Variants in PDE7B observed in about 807,000 individuals in gnomAD.
PDE7B encodes the protein 3',5'-cyclic-AMP phosphodiesterase 7B.
Under a neutral mutation model 56.2 loss-of-function variants are expected in PDE7B, and 29 were observed. The observed-to-expected ratio is 0.52, with a 90% CI of 0.38 to 0.70. The LOEUF (loss-of-function observed/expected upper bound fraction) is 0.70, where lower values mean the gene tolerates loss of function less well. Ranked by LOEUF, PDE7B falls within the 30% of genes least tolerant of loss-of-function variation. PDE7B has a pLI of 0.00. For missense variants in PDE7B, 490 were observed against 565.0 expected (o/e 0.87, Z 1.35); for synonymous variants, 197 against 196.9 (o/e 1.00, Z 0.00).
At chr6:136,091,682 T>G (rs1374284674) in intron 2 of PDE7B, among the ~76,000 whole-genome samples, 1 of 152,232 alleles carries the variant, frequency 6.6e-6, no homozygotes, top group Admixed American at 6.5e-5. Flanking sequence ...GCAGGTAGTA[T>G]TGTCTTAATT....
At chr6:136,000,727 A>T (rs1775651420) in intron 2 of PDE7B, among the ~76,000 whole-genome samples, 1 of 152,212 alleles carries the variant, frequency 6.6e-6, no homozygotes, top group Non-Finnish European at 1.5e-5. Context: ...TGCCTTGGCT[A>T]AGGAGGCCTG....
intron 2 of PDE7B, among the ~76,000 whole-genome samples, chr6:136,041,871 A>C (rs1349678546): frequency 6.6e-6 from 1 of 152,222 alleles, no homozygotes; most frequent in African/African-American, 2.4e-5. Context: ...TCACACACTG[A>C]AACTGTATCA....
intron 3 of PDE7B, among the ~76,000 whole-genome samples, chr6:136,135,559 T>A (rs1778198049): frequency 6.6e-6 from 1 of 152,090 alleles, no homozygotes; most frequent in Admixed American, 6.6e-5. Context: ...TATATTTGGT[T>A]GTCATCAGTT....
At chr6:135,872,856 C>T (rs1281613822) in intron 1 of PDE7B, among the ~76,000 whole-genome samples, 2 of 152,226 alleles carry the variant, frequency 1.3e-5, no homozygotes, top group East Asian at 3.9e-4. Context: ...TTATTTAATA[C>T]TACTCATTTA....
chr6:135,873,048 C>T (rs769166344), intron 1 of PDE7B, among the ~76,000 whole-genome samples: 21 of 151,932 alleles, frequency 1.4e-4, no homozygotes, highest in African/African-American at 2.2e-4. Context: ...TTCTATGTAA[C>T]GAATAATTTT....
At chr6:136,125,276 G>C (rs1339176890) in intron 3 of PDE7B, among the ~76,000 whole-genome samples, 3 of 152,078 alleles carry the variant, frequency 2.0e-5, no homozygotes, top group Non-Finnish European at 4.4e-5. Flanking sequence ...TTTTATATAA[G>C]TTATATGTAA....
chr6:136,093,418 G>A (rs1165661739), intron 2 of PDE7B, among the ~76,000 whole-genome samples: 1 of 152,186 alleles, frequency 6.6e-6, no homozygotes, highest in Non-Finnish European at 1.5e-5. Flanking sequence ...ATCTAGCACA[G>A]TCCAGCTTAA....
At chr6:135,889,798 C>T (rs1452115064) in intron 1 of PDE7B, among the ~76,000 whole-genome samples, 4 of 133,366 alleles carry the variant, frequency 3.0e-5, no homozygotes, top group Non-Finnish European at 4.7e-5. Context: ...CTCTGTCACC[C>T]GGGAGTGCAA....
chr6:136,090,222 G>C (rs1777365660), intron 2 of PDE7B, among the ~76,000 whole-genome samples: 1 of 152,174 alleles, frequency 6.6e-6, no homozygotes, highest in Admixed American at 6.5e-5. Context: ...GAGAAAGGCT[G>C]AACTGTGGAG....
intron 2 of PDE7B, among the ~76,000 whole-genome samples, chr6:135,949,801 A>G (rs918798723): frequency 6.6e-6 from 1 of 152,126 alleles, no homozygotes; most frequent in Non-Finnish European, 1.5e-5. Flanking sequence ...TTCAGGACAC[A>G]TAGGAATAAC....
intron 1 of PDE7B, among the ~76,000 whole-genome samples, chr6:135,927,969 G>A (rs923580826): frequency 2.0e-5 from 3 of 151,994 alleles, no homozygotes; most frequent in Non-Finnish European, 4.4e-5. Context: ...TAAAAATTGG[G>A]CATCAGTCAT....
chr6:136,133,354 G>A (rs1778151945), intron 3 of PDE7B, among the ~76,000 whole-genome samples: 1 of 151,200 alleles, frequency 6.6e-6, no homozygotes, highest in Admixed American at 6.6e-5. Context: ...AATGAGTAAA[G>A]TTAGTACTAA....
intron 1 of PDE7B, among the ~76,000 whole-genome samples, chr6:135,856,658 T>C (rs1482058408): frequency 2.6e-5 from 4 of 151,962 alleles, no homozygotes; most frequent in Non-Finnish European, 5.9e-5. Context: ...TTCCAGCTGG[T>C]GTCTGCTCTG....
intron 1 of PDE7B, among the ~76,000 whole-genome samples, chr6:135,867,900 G>A (rs1775294063): frequency 6.6e-6 from 1 of 152,244 alleles, no homozygotes; most frequent in Non-Finnish European, 1.5e-5. Context: ...GTGAAAAGGT[G>A]TATGAGTTGT....
At chr6:136,108,879 C>A in intron 3 of PDE7B, 65 bp downstream of exon 3, 1 of 1,034,208 alleles carries the variant, frequency 9.7e-7, no homozygotes, top group Non-Finnish European at 1.5e-6. Context: ...AAAAAATCCT[C>A]ATTTCCCTCT....
chr6:136,038,116 T>A (rs1359787848), intron 2 of PDE7B: 1 of 1,320,806 alleles, frequency 7.6e-7, no homozygotes, highest in Non-Finnish European at 9.9e-7. Context: ...AGGAGGCTTG[T>A]CTTTCCGAAG....
intron 2 of PDE7B, among the ~76,000 whole-genome samples, chr6:135,979,608 G>A (rs569889924): frequency 6.6e-6 from 1 of 152,194 alleles, no homozygotes; most frequent in African/African-American, 2.4e-5. Context: ...AGTCTTGGGA[G>A]AGTGTATGTG....
intron 2 of PDE7B, among the ~76,000 whole-genome samples, chr6:135,998,046 T>C (rs1456124199): frequency 6.6e-6 from 1 of 152,214 alleles, no homozygotes; most frequent in African/African-American, 2.4e-5. Flanking sequence ...CTGCAGTGTA[T>C]TGATAGAATA....
At chr6:135,962,697 G>A (rs147338373) in intron 2 of PDE7B, among the ~76,000 whole-genome samples, 1 of 152,260 alleles carries the variant, frequency 6.6e-6, no homozygotes, top group African/African-American at 2.4e-5. Flanking sequence ...ATAGAGAGGT[G>A]GTTGTGACTT....
Sources: gnomAD v4.1 joint callset for allele counts (sites outside exome capture counted in the v4.1 genomes callset) on GRCh38, gnomAD v4.1.1 for gene constraint, MANE v1.5 for transcripts, NCBI Gene and HGNC (gene_info 2026-07-23, HGNC 2026-07-21) for gene names.